The following RNF216 variants were observed in gnomAD, a reference collection of about 807,000 sequenced individuals.
The protein encoded by RNF216 is E3 ubiquitin-protein ligase RNF216.
Under a neutral mutation model 110.8 loss-of-function variants are expected in RNF216, and 72 were observed. That is an observed-to-expected ratio of 0.65 (90% CI 0.54 to 0.79). The LOEUF (loss-of-function observed/expected upper bound fraction) is 0.79, where lower values mean the gene tolerates loss of function less well. RNF216 is among the 30% of genes least tolerant of loss of function. RNF216 has a pLI of 0.00. For missense variants in RNF216, 1,342 were observed against 1,141.2 expected (o/e 1.18, Z -2.54); for synonymous variants, 495 against 407.5 (o/e 1.21, Z -2.59).
At chr7:5,674,521 G>T (rs890328360) in intron 13 of RNF216, among the ~76,000 whole-genome samples, 2 of 151,552 alleles carry the variant, frequency 1.3e-5, no homozygotes, top group Non-Finnish European at 2.9e-5. Context: ...CCAGCTAATC[G>T]GGAGGCCAAG....
intron 3 of RNF216, among the ~76,000 whole-genome samples, chr7:5,743,446 C>G (rs907998067): frequency 6.6e-6 from 1 of 152,102 alleles, no homozygotes; most frequent in African/African-American, 2.4e-5. Flanking sequence ...TAAACTATTA[C>G]TTATTTGTTC....
chr7:5,629,018 T>C (rs934922192), intron 15 of RNF216, among the ~76,000 whole-genome samples: 1 of 151,238 alleles, frequency 6.6e-6, no homozygotes, highest in Non-Finnish European at 1.5e-5. Flanking sequence ...GCTAACACGG[T>C]GAAACCCCAT....
In RNF216 at chr7:5,652,432, TGTC is replaced by T. The variant is rs561326769; in HGVS notation, c.2137_2139del (p.Asp713del). On this transcript the variant is annotated inframe_deletion, in exon 14 of 17. Coordinates refer to ENST00000389902, the MANE Select transcript of RNF216 (RefSeq NM_207111.4). ...ACTCACATAGAGGTACGGTACTTGA[TGTC>T]GTCTTTTTCAGCCAGCTCTTCACAG... The T allele has an allele frequency of 1.9e-6, 3 of 1,612,830 alleles. No homozygotes were observed. The highest frequency in any genetic ancestry group is 2.5e-6 in the Non-Finnish European group (3 of 1,178,850).
intron 13 of RNF216, among the ~76,000 whole-genome samples, chr7:5,657,160 G>T (rs958463810): frequency 6.6e-6 from 1 of 152,250 alleles, no homozygotes; most frequent in African/African-American, 2.4e-5. Context: ...AGTGAAACCT[G>T]TCAACTCACT....
intron 13 of RNF216, among the ~76,000 whole-genome samples, chr7:5,673,515 G>A (rs563842508): frequency 6.6e-6 from 1 of 152,226 alleles, no homozygotes; most frequent in Non-Finnish European, 1.5e-5. Flanking sequence ...GAACAGCAAA[G>A]CTGACCTGTC....
chr7:5,632,333 C>G (rs1787123599), intron 15 of RNF216, among the ~76,000 whole-genome samples: 1 of 152,238 alleles, frequency 6.6e-6, no homozygotes, highest in Non-Finnish European at 1.5e-5. Context: ...AAGGACCCAG[C>G]TGGCCTGAAT....
rs754872404 is a variant in RNF216 at position 5,776,899 on chromosome 7, CAAAAAAAA to C, written c.-70+4634_-70+4641del. The stretch of plus-strand genomic sequence containing the variant: ...CTGTGCGACAGAGGGAGACTCTGTC[CAAAAAAAA>C]AAAAAAAAAAGAGAGAGAGAAAAAG... On this transcript the variant is annotated intron_variant, in intron 1 of 16. Coordinates refer to ENST00000389902, the MANE Select transcript of RNF216 (RefSeq NM_207111.4). Among the ~76,000 whole-genome samples, 308 of 83,608 alleles carry C rather than the reference CAAAAAAAA, an allele frequency of 3.7e-3. 2 individuals carry two copies. The highest frequency in any genetic ancestry group is 0.016 in the African/African-American group (293 of 18,792). The allele number at this position is 83,608 out of a possible 152,430, so 54.9% of individuals were successfully genotyped here. A position where few individuals can be genotyped will look rare whatever the true frequency, so the allele number is the denominator to read the frequency against.
chr7:5,709,922 G>C (rs1792558126), intron 13 of RNF216, among the ~76,000 whole-genome samples: 1 of 152,120 alleles, frequency 6.6e-6, no homozygotes, highest in Admixed American at 6.5e-5. Flanking sequence ...GCCTAGCTGA[G>C]TTTTAAAATT....
chr7:5,641,139 C>A lies in RNF216; in HGVS notation c.2382+15G>T. The A allele has an allele frequency of 6.4e-7, 1 of 1,568,470 alleles. No homozygotes were observed. Among genetic ancestry groups the A allele is most frequent in the South Asian group, 1.1e-5 (1 of 89,730 alleles). On this transcript the variant is annotated intron_variant, in intron 15 of 16. Transcript: ENST00000389902. ...TTCTCCCTATAAAGCAATAGGCAGC[C>A]ATGTGTCTACTTACAGTGGGATCGG...
intron 13 of RNF216, among the ~76,000 whole-genome samples, chr7:5,665,452 T>A (rs546903316): frequency 6.6e-6 from 1 of 152,202 alleles, no homozygotes; most frequent in African/African-American, 2.4e-5. Context: ...AAAAAAGAAA[T>A]CTTGAAGTGT....
intron 13 of RNF216, among the ~76,000 whole-genome samples, chr7:5,683,621 C>T (rs1023501344): frequency 1.3e-5 from 2 of 152,146 alleles, no homozygotes; most frequent in African/African-American, 2.4e-5. Flanking sequence ...CCTGGCTCTA[C>T]CCCTTTGAGT....
chr7:5,645,094 C>A (rs1478166453), intron 14 of RNF216, among the ~76,000 whole-genome samples: 1 of 152,178 alleles, frequency 6.6e-6, no homozygotes, highest in Non-Finnish European at 1.5e-5. Context: ...GGATTACAGG[C>A]ATGAGCCACC....
intron 13 of RNF216, among the ~76,000 whole-genome samples, chr7:5,689,841 G>T (rs564318069): frequency 6.6e-6 from 1 of 151,912 alleles, no homozygotes; most frequent in African/African-American, 2.4e-5. Context: ...TTGGGAGGCT[G>T]AGGCAGGAGA....
chr7:5,697,885 C>T (rs1020168935), intron 13 of RNF216, among the ~76,000 whole-genome samples: 3 of 151,994 alleles, frequency 2.0e-5, no homozygotes, highest in Admixed American at 6.6e-5. Context: ...TTTTTAGCAG[C>T]GAAGTCTAAC....
chr7:5,639,386 G>C (rs1357313302), intron 15 of RNF216, among the ~76,000 whole-genome samples: 1 of 152,122 alleles, frequency 6.6e-6, no homozygotes, highest in East Asian at 1.9e-4. Flanking sequence ...TACACATAGA[G>C]GAGAAACACA....
At chr7:5,683,359 C>T (rs1265482692) in intron 13 of RNF216, among the ~76,000 whole-genome samples, 1 of 152,104 alleles carries the variant, frequency 6.6e-6, no homozygotes, top group Non-Finnish European at 1.5e-5. Flanking sequence ...GTGGTACAAT[C>T]CACAAGTTGG....
In RNF216 at chr7:5,741,658, T is replaced by C; in HGVS notation, c.359A>G (p.Asp120Gly). 2.5e-6 allele frequency: 4 copies of C among 1,614,152 alleles called. No individual in the cohort carries two copies. The highest frequency in any genetic ancestry group is 3.4e-6 in the Non-Finnish European group (4 of 1,180,018). Residue 120 changes from aspartate (D) to glycine (G), a missense_variant, in exon 4 of 17, where the codon GAT becomes GGT. Coordinates refer to ENST00000389902, the MANE Select transcript of RNF216 (RefSeq NM_207111.4). ...YFSVCNNPLFDSGAQDDSEDD... is the reference protein window; with the variant it reads ...YFSVCNNPLFGSGAQDDSEDD... ...CTCAGAATCATCCTGTGCCCCAGAA[T>C]CAAACAATGGGTTGTTACACACTGA... is the stretch of plus-strand genomic sequence containing the variant.
intron 15 of RNF216, among the ~76,000 whole-genome samples, chr7:5,632,879 T>C (rs1378781222): frequency 6.6e-6 from 1 of 152,172 alleles, no homozygotes; most frequent in Non-Finnish European, 1.5e-5. Flanking sequence ...AGCACACGAA[T>C]GGCACCACAG....
At chr7:5,756,975 G>A (rs974984270) in intron 2 of RNF216, among the ~76,000 whole-genome samples, 5 of 152,116 alleles carry the variant, frequency 3.3e-5, no homozygotes, top group Admixed American at 1.3e-4. Flanking sequence ...TAGGCCATAA[G>A]TTTTCCTCAA....
Sources: allele counts gnomAD v4.1 joint callset (sites outside exome capture counted in the v4.1 genomes callset), GRCh38; gene constraint gnomAD v4.1.1; transcripts MANE v1.5; gene names NCBI Gene and HGNC (gene_info 2026-07-23, HGNC 2026-07-21).